EPHA5: variants seen among roughly 807,000 people sequenced by gnomAD.
EPHA5 encodes the protein ephrin type-A receptor 5.
A neutral mutation model predicts 105.0 loss-of-function variants in EPHA5; 60 were observed. That is an observed-to-expected ratio of 0.57 (90% CI 0.46 to 0.71). The LOEUF (loss-of-function observed/expected upper bound fraction) is 0.71, where lower values mean the gene tolerates loss of function less well. Ranked by LOEUF, EPHA5 falls within the 30% of genes least tolerant of loss-of-function variation. The probability of loss-of-function intolerance (pLI) is 0.00; values close to 1 mark genes in which losing one functional copy is unlikely to be tolerated. For synonymous variants in EPHA5, 513 were observed against 449.1 expected (o/e 1.14, Z -1.80); for missense variants, 1,218 against 1,274.7 (o/e 0.96, Z 0.68).
chr4:65,586,908 T>C (rs1425893575), intron 3 of EPHA5, among the ~76,000 whole-genome samples: 1 of 152,166 alleles, frequency 6.6e-6, no homozygotes, highest in African/African-American at 2.4e-5. Context: ...TTCTACCCAT[T>C]AGAACATAAG....
At chr4:65,657,549 G>T (rs979947442) in intron 1 of EPHA5, among the ~76,000 whole-genome samples, 2 of 152,026 alleles carry the variant, frequency 1.3e-5, no homozygotes, top group Non-Finnish European at 2.9e-5. Context: ...CAAATTTCTT[G>T]GAATTAACTC....
intron 8 of EPHA5, among the ~76,000 whole-genome samples, chr4:65,402,582 CT>C (rs1231615717): frequency 1.3e-5 from 2 of 151,960 alleles, no homozygotes; most frequent in African/African-American, 4.8e-5. Context: ...GACCTTGGTT[CT>C]TTTTTTTCCA....
chr4:65,485,386 T>G (rs1240116364), intron 5 of EPHA5, among the ~76,000 whole-genome samples: 1 of 152,122 alleles, frequency 6.6e-6, no homozygotes, highest in Non-Finnish European at 1.5e-5. Flanking sequence ...TCTCACAATT[T>G]TATAATTCTT....
intron 2 of EPHA5, among the ~76,000 whole-genome samples, chr4:65,638,566 C>A (rs750428241): frequency 6.6e-6 from 1 of 152,000 alleles, no homozygotes; most frequent in East Asian, 1.9e-4. Flanking sequence ...GGAAAAACCC[C>A]GTCTCTACTA....
intron 5 of EPHA5, among the ~76,000 whole-genome samples, chr4:65,466,742 G>A (rs1728759621): frequency 6.6e-6 from 1 of 152,162 alleles, no homozygotes; most frequent in Non-Finnish European, 1.5e-5. Flanking sequence ...CATCAAAAGT[G>A]TTTCCAAGAT....
intron 2 of EPHA5, among the ~76,000 whole-genome samples, chr4:65,615,058 T>C (rs937914136): frequency 1.3e-5 from 2 of 151,832 alleles, no homozygotes; most frequent in Non-Finnish European, 3.0e-5. Flanking sequence ...AATGCAATTA[T>C]GCTAAATTGT....
intron 5 of EPHA5, among the ~76,000 whole-genome samples, chr4:65,483,993 T>G (rs979672781): frequency 6.6e-6 from 1 of 152,206 alleles, no homozygotes; most frequent in Non-Finnish European, 1.5e-5. Context: ...CTATTCAGTC[T>G]ACATGGAAGA....
chr4:65,601,938 G>A lies in EPHA5; in HGVS notation c.613C>T (p.Leu205=), dbSNP rs1743778121. The change falls in exon 3 of 17, where the codon CTA becomes TTA. Residue 205 remains leucine, a synonymous_variant. Coordinates refer to ENST00000613740, the MANE Select transcript of EPHA5 (RefSeq NM_001281766.3). ...LNTEVRDVGP[L]SKKGFYLAFQ... ...GCAAGATAAAATCCCTTTTTGCTTAGAGGTCCTACATCTCTGACCTCTGTA... is the reference window on the plus strand; with the variant it reads ...GCAAGATAAAATCCCTTTTTGCTTAAAGGTCCTACATCTCTGACCTCTGTA... 6.2e-7 allele frequency: 1 copy of A among 1,614,066 alleles called. No individual in the cohort carries two copies. Among genetic ancestry groups the A allele is most frequent in the Non-Finnish European group, 8.5e-7 (1 of 1,179,980 alleles).
chr4:65,567,434 C>A (rs1739666174), intron 3 of EPHA5, among the ~76,000 whole-genome samples: 1 of 151,406 alleles, frequency 6.6e-6, no homozygotes, highest in African/African-American at 2.4e-5. Flanking sequence ...AAGTTAATAT[C>A]AATAACTTCA....
chr4:65,636,614 G>A (rs1025817858), intron 2 of EPHA5, among the ~76,000 whole-genome samples: 10 of 151,894 alleles, frequency 6.6e-5, no homozygotes, highest in African/African-American at 2.4e-4. Context: ...TACTGAAAGT[G>A]TATTTTTTCA....
At chr4:65,550,108 C>A (rs994832396) in intron 3 of EPHA5, among the ~76,000 whole-genome samples, 1 of 151,586 alleles carries the variant, frequency 6.6e-6, no homozygotes, top group Non-Finnish European at 1.5e-5. Context: ...AAAGATAATA[C>A]ATTATTTGTT....
intron 2 of EPHA5, among the ~76,000 whole-genome samples, chr4:65,612,037 AAAGG>A (rs1447562674): frequency 4.6e-4 from 58 of 126,928 alleles, no homozygotes; most frequent in Admixed American, 5.7e-4. Flanking sequence ...AAAAAAAAAA[AAAGG>A]AAAGAAAAGA....
At chr4:65,365,810 C>A in intron 10 of EPHA5, 122 bp downstream of exon 10, 1 of 970,654 alleles carries the variant, frequency 1.0e-6, no homozygotes, top group South Asian at 2.3e-5. Context: ...AGTTACATAT[C>A]ACTTTGAATG....
intron 2 of EPHA5, among the ~76,000 whole-genome samples, chr4:65,622,057 T>A (rs1185576810): frequency 6.6e-6 from 1 of 152,148 alleles, no homozygotes; most frequent in Non-Finnish European, 1.5e-5. Context: ...TCGAAGAGTA[T>A]TTTAAGTTTA....
intron 11 of EPHA5, among the ~76,000 whole-genome samples, chr4:65,354,969 G>C (rs1287937535): frequency 6.6e-6 from 1 of 151,742 alleles, no homozygotes; most frequent in Non-Finnish European, 1.5e-5. Context: ...GTTTATAAAA[G>C]TTGTAAAAAT....
At chr4:65,340,493 G>T (rs894589865) in intron 14 of EPHA5, among the ~76,000 whole-genome samples, 1 of 152,108 alleles carries the variant, frequency 6.6e-6, no homozygotes, top group African/African-American at 2.4e-5. Flanking sequence ...GGAGAAATAT[G>T]TGTGAAACCC....
At chr4:65,508,763 T>A (rs1733315166) in intron 3 of EPHA5, among the ~76,000 whole-genome samples, 1 of 151,966 alleles carries the variant, frequency 6.6e-6, no homozygotes, top group African/African-American at 2.4e-5. Flanking sequence ...AAAGCATAGA[T>A]AGCTAGATAT....
At chr4:65,584,616 A>G (rs1578496225) in intron 3 of EPHA5, among the ~76,000 whole-genome samples, 1 of 152,062 alleles carries the variant, frequency 6.6e-6, no homozygotes, top group East Asian at 1.9e-4. Flanking sequence ...AAGTGTCTCT[A>G]ATACCTTTAA....
intron 2 of EPHA5, among the ~76,000 whole-genome samples, chr4:65,624,875 T>A (rs1262561117): frequency 6.6e-6 from 1 of 152,218 alleles, no homozygotes; most frequent in African/African-American, 2.4e-5. Context: ...ATAATCATTG[T>A]GCCTAACTCT....
Sources: gnomAD v4.1 joint callset for allele counts (sites outside exome capture counted in the v4.1 genomes callset) on GRCh38, gnomAD v4.1.1 for gene constraint, MANE v1.5 for transcripts, NCBI Gene and HGNC (gene_info 2026-07-23, HGNC 2026-07-21) for gene names.